Variants in KCNQ5 observed in about 807,000 individuals in gnomAD.
KCNQ5 encodes the protein potassium voltage-gated channel subfamily KQT member 5.
KCNQ5 carries 30 observed loss-of-function variants against 98.2 expected under a neutral mutation model. The ratio of observed to expected loss-of-function variants is 0.31; its 90% CI spans 0.23 to 0.41. KCNQ5 has a LOEUF of 0.41. KCNQ5 is among the 10% of genes least tolerant of loss of function. The pLI is 1.00. For missense variants in KCNQ5, 835 were observed against 1,182.5 expected, an observed-to-expected ratio of 0.71 and a Z score of 4.31; for synonymous variants, 458 against 449.4, an observed-to-expected ratio of 1.02 and a Z score of -0.24.
At chr6:72,918,160 C>G (rs778993784) in intron 1 of KCNQ5, among the ~76,000 whole-genome samples, 12 of 152,080 alleles carry the variant, frequency 7.9e-5, no homozygotes, top group Non-Finnish European at 1.3e-4. Flanking sequence ...CACTATGCCC[C>G]ATAAAAACGT....
chr6:73,171,055 T>C (rs1014071189), intron 11 of KCNQ5, among the ~76,000 whole-genome samples: 2 of 152,258 alleles, frequency 1.3e-5, no homozygotes, highest in South Asian at 2.1e-4. Flanking sequence ...TCATTTGGCA[T>C]CATGTTAGAC....
intron 3 of KCNQ5, among the ~76,000 whole-genome samples, chr6:73,050,764 G>A (rs907543119): frequency 2.6e-5 from 4 of 151,862 alleles, no homozygotes; most frequent in Admixed American, 2.0e-4. Flanking sequence ...CTAACCTCTG[G>A]GAACCACTAT....
At chr6:72,740,244 A>G (rs1336480058) in intron 1 of KCNQ5, among the ~76,000 whole-genome samples, 3 of 152,236 alleles carry the variant, frequency 2.0e-5, no homozygotes, top group African/African-American at 7.2e-5. Flanking sequence ...ATTGGAAGTA[A>G]GAGACAAATC....
In KCNQ5 at chr6:73,197,660, G is replaced by A; in HGVS notation, c.*2246G>A. ...ACACACACCCCTCCACTGACCTAAA[G>A]CCAGACACCTGCCGTGACTGGGCAG... On this transcript the variant is annotated 3_prime_UTR_variant, in exon 14 of 14. Coordinates refer to ENST00000370398, the MANE Select transcript of KCNQ5 (RefSeq NM_019842.4). 1 of 141,570 alleles carries A rather than the reference G, an allele frequency of 7.1e-6. No individual in the cohort carries two copies. The highest frequency in any genetic ancestry group is 2.7e-5 in the African/African-American group (1 of 37,576). 8.8% of individuals were successfully genotyped at this position (141,570 alleles called of 1,614,324 possible). A position where few individuals can be genotyped will look rare whatever the true frequency, so the allele number is the denominator to read the frequency against.
At chr6:73,002,824 C>T (rs766496214) in intron 1 of KCNQ5, among the ~76,000 whole-genome samples, 5 of 152,166 alleles carry the variant, frequency 3.3e-5, no homozygotes, top group Non-Finnish European at 7.4e-5. Context: ...CAGATTTGTC[C>T]TGTAGGCATA....
At position 73,077,445 on chromosome 6, in the gene KCNQ5, G is replaced by A. The variant is rs748704876; in HGVS notation, c.740G>A (p.Arg247Gln). ...LQILRMVRMDRRGGTWKLLGS... is the reference protein window; with the variant it reads ...LQILRMVRMDQRGGTWKLLGS... ...ATCCTCCGCATGGTGCGCATGGACC[G>A]AAGGGGAGGCACTTGGAAATTACTG... Residue 247 changes from arginine (R) to glutamine (Q), a missense_variant, in exon 4 of 14, where the codon CGA becomes CAA. By Grantham distance (43) the Arg-to-Gln change is conservative. Coordinates refer to ENST00000370398, the MANE Select transcript of KCNQ5 (RefSeq NM_019842.4). The A allele has an allele frequency of 1.9e-6, 3 of 1,614,104 alleles. No individual in the cohort carries two copies. Among genetic ancestry groups the A allele is most frequent in the East Asian group, 2.2e-5 (1 of 44,878 alleles).
intron 1 of KCNQ5, among the ~76,000 whole-genome samples, chr6:72,997,699 C>T (rs909469724): frequency 7.4e-6 from 1 of 135,422 alleles, no homozygotes; most frequent in Non-Finnish European, 1.5e-5. Flanking sequence ...AGGAGAATGG[C>T]GTGAATCCGG....
chr6:73,149,275 C>A (rs1207815422), intron 10 of KCNQ5, among the ~76,000 whole-genome samples: 1 of 152,162 alleles, frequency 6.6e-6, no homozygotes, highest in Admixed American at 6.5e-5. Context: ...TAATAAGAGC[C>A]AGTGTCATTT....
At chr6:72,760,483 C>T (rs573079690) in intron 1 of KCNQ5, among the ~76,000 whole-genome samples, 7 of 148,834 alleles carry the variant, frequency 4.7e-5, no homozygotes, top group Non-Finnish European at 8.9e-5. Context: ...TGTGTGTGCA[C>T]GTGTGCACTT....
intron 1 of KCNQ5, among the ~76,000 whole-genome samples, chr6:72,799,532 G>A (rs1774523510): frequency 1.3e-5 from 2 of 152,128 alleles, no homozygotes; most frequent in Non-Finnish European, 2.9e-5. Flanking sequence ...TATACACCTA[G>A]CTTCAACAAC....
chr6:72,716,275 A>G (rs1400314933), intron 1 of KCNQ5, among the ~76,000 whole-genome samples: 1 of 152,248 alleles, frequency 6.6e-6, no homozygotes, highest in Admixed American at 6.5e-5. Flanking sequence ...GAATAAATGC[A>G]TAACTTCACA....
intron 1 of KCNQ5, among the ~76,000 whole-genome samples, chr6:72,983,483 T>C (rs1768576909): frequency 6.6e-6 from 1 of 152,222 alleles, no homozygotes; most frequent in African/African-American, 2.4e-5. Flanking sequence ...AGCTTGTGCA[T>C]GTATCACATA....
intron 1 of KCNQ5, among the ~76,000 whole-genome samples, chr6:72,652,842 C>T (rs1409738246): frequency 6.6e-6 from 1 of 151,984 alleles, no homozygotes; most frequent in African/African-American, 2.4e-5. Flanking sequence ...TGATCTTAGA[C>T]AAGGAAACTT....
intron 1 of KCNQ5, among the ~76,000 whole-genome samples, chr6:72,858,968 A>T (rs1342364000): frequency 2.0e-5 from 3 of 152,146 alleles, no homozygotes; most frequent in Non-Finnish European, 4.4e-5. Context: ...ATCTACACAG[A>T]AGCTTTCGAT....
chr6:72,908,071 G>A (rs1287224252), intron 1 of KCNQ5, among the ~76,000 whole-genome samples: 1 of 152,040 alleles, frequency 6.6e-6, no homozygotes, highest in Non-Finnish European at 1.5e-5. Context: ...CATTGCCACA[G>A]TGTTATTTTT....
chr6:73,111,492 T>C, intron 7 of KCNQ5, 89 bp downstream of exon 7: 1 of 831,678 alleles, frequency 1.2e-6, no homozygotes, highest in Non-Finnish European at 2.0e-6. Context: ...CATTGCTTGG[T>C]AGAACTACTG....
chr6:72,784,358 C>G (rs146657217), intron 1 of KCNQ5, among the ~76,000 whole-genome samples: 2 of 152,040 alleles, frequency 1.3e-5, no homozygotes, highest in African/African-American at 4.8e-5. Flanking sequence ...CAGAGAGAAC[C>G]AGATAAGTGG....
intron 5 of KCNQ5, among the ~76,000 whole-genome samples, chr6:73,103,192 C>G (rs1774859082): frequency 6.6e-6 from 1 of 152,074 alleles, no homozygotes; most frequent in Non-Finnish European, 1.5e-5. Flanking sequence ...GTAAAATAAG[C>G]CAGGCACAGA....
chr6:73,157,056 C>T (rs1044981852), intron 10 of KCNQ5, among the ~76,000 whole-genome samples: 1 of 152,322 alleles, frequency 6.6e-6, no homozygotes, highest in Admixed American at 6.5e-5. Context: ...CAGGATGAAC[C>T]ACCGGGGGCC....
Sources: gnomAD v4.1 joint callset for allele counts (sites outside exome capture counted in the v4.1 genomes callset) on GRCh38, gnomAD v4.1.1 for gene constraint, MANE v1.5 for transcripts, NCBI Gene and HGNC (gene_info 2026-07-23, HGNC 2026-07-21) for gene names.